Variants in DPP6 observed in about 807,000 individuals in gnomAD.
DPP6 encodes the protein A-type potassium channel modulatory protein DPP6.
In DPP6, 69 loss-of-function variants were observed where a neutral mutation model predicts 122.6. The ratio of observed to expected loss-of-function variants is 0.56; its 90% confidence interval spans 0.46 to 0.69. The LOEUF (loss-of-function observed/expected upper bound fraction) is 0.69. Among genes scored for constraint, DPP6 ranks in the 30% least tolerant of loss-of-function variants. The pLI, the probability that DPP6 is intolerant of heterozygous loss-of-function variation, is 0.00. For synonymous variants in DPP6, 418 were observed against 433.1 expected (o/e 0.97, Z 0.43); for missense variants, 928 against 1,116.9 (o/e 0.83, Z 2.41).
At chr7:154,443,630 A>G (rs1467570106) in intron 1 of DPP6, among the ~76,000 whole-genome samples, 1 of 120,432 alleles carries the variant, frequency 8.3e-6, no homozygotes, top group East Asian at 2.6e-4. Context: ...ATGTCGATGA[A>G]TGTGGATGGA....
At chr7:153,849,349 AG>A in the DPP6 span, among the ~76,000 whole-genome samples, 1 of 151,556 alleles carries the variant, frequency 6.6e-6, no homozygotes, top group African/African-American at 2.4e-5. Flanking sequence ...CCCTCTGCAG[AG>A]GTGCTTTCCT....
intron 1 of DPP6, among the ~76,000 whole-genome samples, chr7:154,008,822 C>T (rs1340681259): frequency 1.3e-5 from 2 of 151,594 alleles, no homozygotes; most frequent in African/African-American, 2.4e-5. Flanking sequence ...CCACTACGCC[C>T]GGCTAATTTT....
intron 1 of DPP6, among the ~76,000 whole-genome samples, chr7:154,192,154 G>A (rs772488859): frequency 6.6e-6 from 1 of 152,160 alleles, no homozygotes; most frequent in African/African-American, 2.4e-5. Flanking sequence ...CCTTGTCTTG[G>A]CAAAGATTTT....
intron 3 of DPP6, among the ~76,000 whole-genome samples, chr7:154,500,025 T>C (rs1460567405): frequency 6.6e-6 from 1 of 152,168 alleles, no homozygotes; most frequent in Non-Finnish European, 1.5e-5. Flanking sequence ...CCTGGCGAGT[T>C]GTATAGCATG....
At chr7:154,126,378 A>C (rs1044334275) in intron 1 of DPP6, among the ~76,000 whole-genome samples, 1 of 152,146 alleles carries the variant, frequency 6.6e-6, no homozygotes, top group African/African-American at 2.4e-5. Flanking sequence ...TGGTGCTATT[A>C]ACATTCACAT....
chr7:154,235,690 T>A (rs531276267), intron 1 of DPP6, among the ~76,000 whole-genome samples: 12 of 152,180 alleles, frequency 7.9e-5, no homozygotes, highest in Non-Finnish European at 1.8e-4. Context: ...AATCCCTGTT[T>A]TTCTTTTTTT....
At chr7:154,597,105 C>A (rs1833137385) in intron 5 of DPP6, among the ~76,000 whole-genome samples, 1 of 151,856 alleles carries the variant, frequency 6.6e-6, no homozygotes, top group Non-Finnish European at 1.5e-5. Flanking sequence ...GGACCTGTTG[C>A]AGGCCCTGAA....
At chr7:154,840,315 G>A (rs1431334579) in intron 16 of DPP6, among the ~76,000 whole-genome samples, 3 of 152,190 alleles carry the variant, frequency 2.0e-5, no homozygotes, top group Non-Finnish European at 4.4e-5. Context: ...GCTGTCACAC[G>A]GTGGACCAAC....
chr7:154,229,078 T>G (rs1800771078), intron 1 of DPP6, among the ~76,000 whole-genome samples: 1 of 151,772 alleles, frequency 6.6e-6, no homozygotes, highest in Admixed American at 6.6e-5. Context: ...TTCTTGGGCG[T>G]TTTTTTTCTG....
In DPP6 at chr7:154,305,153, C is replaced by T. The variant is rs1050560280; in HGVS notation, c.244-141061C>T. On this transcript the variant is annotated intron_variant, in intron 1 of 25. Transcript: ENST00000377770. ...CCGGGAGGCGGGCGAGGAGGCAGCG[C>T]GCATCACTCGGGTCCCCTTCCTGCA... is the stretch of plus-strand genomic sequence containing the variant. 8.1e-6 allele frequency: 6 copies of T among 741,234 alleles called. No individual in the cohort carries two copies. In the African/African-American group the frequency reaches 1.1e-4, roughly 14 times the overall value. The allele number at this position is 741,234 out of a possible 1,614,324, so 45.9% of individuals were successfully genotyped here. A position where few individuals can be genotyped will look rare whatever the true frequency, so the allele number is the denominator to read the frequency against.
chr7:154,508,773 C>T (rs902554253), intron 3 of DPP6, among the ~76,000 whole-genome samples: 2 of 152,112 alleles, frequency 1.3e-5, no homozygotes, highest in Non-Finnish European at 2.9e-5. Context: ...AGCTTATCAG[C>T]TTTAGAGAAG....
intron 8 of DPP6, among the ~76,000 whole-genome samples, chr7:154,739,588 G>A (rs1008777671): frequency 6.6e-6 from 1 of 152,208 alleles, no homozygotes; most frequent in South Asian, 2.1e-4. Context: ...CCAGGAAAAA[G>A]CTAGGGTGTG....
intron 17 of DPP6, among the ~76,000 whole-genome samples, chr7:154,864,544 T>C (rs1803689801): frequency 6.6e-6 from 1 of 152,220 alleles, no homozygotes; most frequent in Admixed American, 6.5e-5. Context: ...AGAAAAGTCC[T>C]TCAGGGAATA....
intron 1 of DPP6, among the ~76,000 whole-genome samples, chr7:154,029,845 CAA>C (rs1289076235): frequency 7.9e-6 from 1 of 127,280 alleles, no homozygotes. Context: ...AACTCCATCT[CAA>C]AAAAAAAAAG....
chr7:154,283,249 A>G (rs1300358407), intron 1 of DPP6, among the ~76,000 whole-genome samples: 1 of 152,172 alleles, frequency 6.6e-6, no homozygotes, highest in Non-Finnish European at 1.5e-5. Flanking sequence ...CTCTGCAGCC[A>G]CAGGGTTGCT....
chr7:154,133,722 G>C (rs1402277135), intron 1 of DPP6, among the ~76,000 whole-genome samples: 1 of 151,776 alleles, frequency 6.6e-6, no homozygotes, highest in Non-Finnish European at 1.5e-5. Flanking sequence ...CTGTATCTGG[G>C]ACAGAGTCAT....
chr7:153,760,593 A>T, the DPP6 span, among the ~76,000 whole-genome samples: 1 of 152,262 alleles, frequency 6.6e-6, no homozygotes, highest in East Asian at 1.9e-4. Context: ...TTAAAGATTT[A>T]CTGGGTGGAA....
chr7:154,206,257 C>A lies in DPP6; in HGVS notation c.243+153194C>A, dbSNP rs943195697. 2.8e-4 allele frequency among the ~76,000 whole-genome samples: 42 copies of A among 152,218 alleles called. 1 individual carries two copies. The highest frequency in any genetic ancestry group is 1.0e-4 in the Non-Finnish European group (7 of 68,046). ...CCAGCACCGTGGCTCTCATCAAGATCTTTGCCGGTCCTCGGCCCTTGTTCT... is the reference window on the plus strand; with the variant it reads ...CCAGCACCGTGGCTCTCATCAAGATATTTGCCGGTCCTCGGCCCTTGTTCT... On this transcript the variant is annotated intron_variant, in intron 1 of 25. Transcript: ENST00000377770.
chr7:153,913,184 C>T (rs746221960), intron 1 of DPP6, among the ~76,000 whole-genome samples: 1 of 152,180 alleles, frequency 6.6e-6, no homozygotes, highest in Non-Finnish European at 1.5e-5. Context: ...AAGCAATTCT[C>T]ATGCCTCAGC....
Sources: allele counts gnomAD v4.1 joint callset (sites outside exome capture counted in the v4.1 genomes callset), GRCh38; gene constraint gnomAD v4.1.1; transcripts MANE v1.5; gene names NCBI Gene and HGNC (gene_info 2026-07-23, HGNC 2026-07-21).